Variants in MTMR2 observed in about 807,000 individuals in gnomAD.
MTMR2 encodes the protein phosphatidylinositol-3,5-bisphosphate 3-phosphatase MTMR2.
A neutral mutation model predicts 86.9 loss-of-function variants in MTMR2; 55 were observed. That is an observed-to-expected ratio of 0.63 (90% CI 0.51 to 0.79). The LOEUF (loss-of-function observed/expected upper bound fraction) is 0.79, where lower values mean the gene tolerates loss of function less well. Ranked by LOEUF, MTMR2 falls within the 30% of genes least tolerant of loss-of-function variation. The pLI, the probability that MTMR2 is intolerant of heterozygous loss-of-function variation, is 0.00. For synonymous variants in MTMR2, 241 were observed against 266.8 expected, an observed-to-expected ratio of 0.90 and a Z score of 0.94; for missense variants, 659 against 772.3, an observed-to-expected ratio of 0.85 and a Z score of 1.74.
intron 7 of MTMR2, among the ~76,000 whole-genome samples, chr11:95,856,340 T>TC (rs983702672): frequency 1.9e-4 from 29 of 151,932 alleles, no homozygotes; most frequent in Non-Finnish European, 4.0e-4. Flanking sequence ...TTCCTTTTTT[T>TC]TTTTTATTTA....
chr11:95,878,431 A>G (rs917033207), intron 2 of MTMR2, among the ~76,000 whole-genome samples: 2 of 152,118 alleles, frequency 1.3e-5, no homozygotes, highest in Admixed American at 1.3e-4. Context: ...ACCCTAATGC[A>G]AACTATGTAT....
chr11:95,849,906 T>G, intron 8 of MTMR2, 44 bp from the exon 9 acceptor site: 1 of 1,541,144 alleles, frequency 6.5e-7, no homozygotes, highest in Non-Finnish European at 9.0e-7. Context: ...CATACTTCTC[T>G]GTTTATAATT....
rs1348845964 is a variant in MTMR2, at chr11:95,845,047, G to A, written c.1292C>T (p.Ala431Val). 6.2e-7 allele frequency: 1 copy of A among 1,613,922 alleles called. No individual in the cohort carries two copies. Among genetic ancestry groups the A allele is most frequent in the Non-Finnish European group, 8.5e-7 (1 of 1,179,856 alleles). Residue 431 changes from alanine (A) to valine (V), a missense_variant, in exon 11 of 15, where the codon GCC (alanine) becomes GTC (valine). Physicochemically the swap from Ala to Val is moderately conservative, Grantham distance 64. Around this residue, in one of 3 missense-constraint regions of MTMR2, gnomAD observed 387 missense variants for 526.3 expected, o/e 0.74. Transcript: ENST00000346299. Reference protein sequence around the residue: ...WDRTAQLTSLAMLMLDGYYRT... With the variant: ...WDRTAQLTSLVMLMLDGYYRT... The stretch of plus-strand genomic sequence containing the variant: ...ATAGTATCCATCCAACATGAGCATG[G>A]CAAGGGAAGTGAGCTGAGCTGTGCG...
chr11:95,862,423 A>G (rs948770825), intron 3 of MTMR2, 57 bp from the exon 4 acceptor site: 59 of 1,254,736 alleles, frequency 4.7e-5, no homozygotes, highest in Non-Finnish European at 6.9e-5. Flanking sequence ...AAAACCTGCT[A>G]TCTCATCTTA....
chr11:95,842,493 T>C (rs1176262557), intron 11 of MTMR2, among the ~76,000 whole-genome samples: 1 of 152,154 alleles, frequency 6.6e-6, no homozygotes, highest in Non-Finnish European at 1.5e-5. Flanking sequence ...CTGTCAAAAA[T>C]GCTTGACATC....
At position 95,836,283 on chromosome 11, in the gene MTMR2, G is replaced by C; in HGVS notation, c.1635C>G (p.Asn545Lys). 1 of 1,612,956 alleles carries C rather than the reference G, an allele frequency of 6.2e-7. No homozygotes were observed. Among genetic ancestry groups the C allele is most frequent in the Non-Finnish European group, 8.5e-7 (1 of 1,179,170 alleles). Reference protein sequence around the residue: ...KRTVSLWSYINSQLEDFTNPL... With the variant: ...KRTVSLWSYIKSQLEDFTNPL... ...GATTAGTGAAGTCTTCCAGCTGGCTGTTTATGTAAGACCACAGTGACACAG... is the reference window on the plus strand; with the variant it reads ...GATTAGTGAAGTCTTCCAGCTGGCTCTTTATGTAAGACCACAGTGACACAG... Residue 545 changes from asparagine to lysine, a missense_variant, in exon 14 of 15, where the codon AAC becomes AAG. By Grantham distance (94) the Asn-to-Lys change is moderately conservative (BLOSUM62 0). Around this residue, in one of 3 missense-constraint regions of MTMR2, gnomAD observed 193 missense variants for 191.6 expected, o/e 1.01. Transcript: ENST00000346299.
chr11:95,851,498 G>A (rs1590986192), intron 7 of MTMR2, among the ~76,000 whole-genome samples: 1 of 152,172 alleles, frequency 6.6e-6, no homozygotes, highest in Non-Finnish European at 1.5e-5. Flanking sequence ...AAGTAGCTGG[G>A]ATTACAGGCA....
chr11:95,858,140 C>G (rs1864276793), intron 6 of MTMR2, among the ~76,000 whole-genome samples: 1 of 152,140 alleles, frequency 6.6e-6, no homozygotes, highest in African/African-American at 2.4e-5. Flanking sequence ...GAGTCTAACA[C>G]TGTCTAAAGC....
chr11:95,835,431 G>GTATC lies in MTMR2; in HGVS notation c.1787_1790dup (p.Tyr597Ter). ...CTGCTCGTTTAGCAAGAAGTTCTTT[G>GTATC]TATCTGTTGTGAATAGGTTCCTGCA... On this transcript the variant is annotated stop_gained and frameshift_variant, in exon 15 of 15. Coordinates refer to ENST00000346299, the MANE Select transcript of MTMR2 (RefSeq NM_016156.6). LOFTEE classifies it high-confidence loss of function. 6.2e-7 allele frequency: 1 copy of GTATC among 1,612,774 alleles called. No homozygotes were observed.
intron 2 of MTMR2, among the ~76,000 whole-genome samples, chr11:95,871,859 T>C (rs1864902121): frequency 6.6e-6 from 1 of 152,272 alleles, no homozygotes; most frequent in Admixed American, 6.5e-5. Flanking sequence ...AGGGTTTTTA[T>C]GGTTTTAGGC....
chr11:95,892,293 C>T (rs565889241), intron 1 of MTMR2, among the ~76,000 whole-genome samples: 95 of 152,236 alleles, frequency 6.2e-4, no homozygotes, highest in African/African-American at 2.2e-3. Flanking sequence ...ATCCTACCTA[C>T]CCTTTAAGAC....
intron 10 of MTMR2, among the ~76,000 whole-genome samples, chr11:95,847,423 T>G (rs888363828): frequency 6.6e-6 from 1 of 152,132 alleles, no homozygotes. Context: ...GGATGCAATC[T>G]GGGAAGACCT....
chr11:95,885,320 A>C (rs1340412944), intron 2 of MTMR2, among the ~76,000 whole-genome samples: 5 of 152,156 alleles, frequency 3.3e-5, no homozygotes, highest in Non-Finnish European at 7.4e-5. Flanking sequence ...TTTTGTAAAA[A>C]AAATAACAAC....
intron 4 of MTMR2, 46 bp from the exon 5 acceptor site, chr11:95,862,148 G>T: frequency 1.3e-6 from 2 of 1,540,090 alleles, no homozygotes; most frequent in Non-Finnish European, 1.8e-6. Context: ...AATTAATACT[G>T]TCCAATTATA....
chr11:95,871,248 T>C (rs1015414580), intron 2 of MTMR2, among the ~76,000 whole-genome samples: 6 of 152,230 alleles, frequency 3.9e-5, no homozygotes, highest in African/African-American at 1.4e-4. Context: ...CTTGGGTATA[T>C]ACCCAGTAAT....
intron 1 of MTMR2, among the ~76,000 whole-genome samples, chr11:95,915,857 C>T (rs960240068): frequency 2.0e-5 from 3 of 152,142 alleles, no homozygotes; most frequent in Non-Finnish European, 2.9e-5. Context: ...CAATATAGCA[C>T]GGCAATCCAT....
At chr11:95,874,230 G>A (rs1865008059) in intron 2 of MTMR2, among the ~76,000 whole-genome samples, 2 of 152,086 alleles carry the variant, frequency 1.3e-5, no homozygotes, top group African/African-American at 4.8e-5. Context: ...GTGGGAGTCT[G>A]AGTCTCTTTG....
intron 1 of MTMR2, among the ~76,000 whole-genome samples, chr11:95,919,658 G>A (rs1276306867): frequency 6.6e-6 from 1 of 152,152 alleles, no homozygotes; most frequent in East Asian, 1.9e-4. Context: ...ACTGGGCACA[G>A]AACAGTAAAA....
rs973110896 is a variant in MTMR2, at chr11:95,843,740, G to A, written c.1386+1213C>T. Among the ~76,000 whole-genome samples, 28 of 151,422 alleles carry A rather than the reference G, an allele frequency of 1.8e-4. 1 individual carries two copies. Among genetic ancestry groups the A allele is most frequent in the Admixed American group, 2.6e-4 (4 of 15,200 alleles). ...GTCTTTTCATTAAACTTTTTGTTTT[G>A]GAAAATATTTTTTTTAGTTTAAATA... On this transcript the variant is annotated intron_variant, in intron 11 of 14. Coordinates refer to ENST00000346299, the MANE Select transcript of MTMR2 (RefSeq NM_016156.6).
Sources: gnomAD v4.1 joint callset for allele counts (sites outside exome capture counted in the v4.1 genomes callset) on GRCh38, gnomAD v4.1.1 for gene constraint, gnomAD v4.1.1 regional missense constraint, MANE v1.5 for transcripts, NCBI Gene and HGNC (gene_info 2026-07-23, HGNC 2026-07-21) for gene names.